The following PPP2R5E variants were observed in gnomAD, a reference collection of about 807,000 sequenced individuals.
PPP2R5E encodes the protein protein phosphatase 2 regulatory subunit B'epsilon.
PPP2R5E carries 4 observed loss-of-function variants against 65.3 expected under a neutral mutation model. The ratio of observed to expected loss-of-function variants is 0.06; its 90% CI spans 0.03 to 0.14. PPP2R5E has a LOEUF of 0.14. Among genes scored for constraint, PPP2R5E ranks in the 10% least tolerant of loss-of-function variants. The pLI, the probability that PPP2R5E is intolerant of heterozygous loss-of-function variation, is 1.00. For synonymous variants in PPP2R5E, 183 were observed against 187.4 expected (o/e 0.98, Z 0.19); for missense variants, 274 against 556.1 (o/e 0.49, Z 5.10).
At position 63,425,681 on chromosome 14, in the gene PPP2R5E, A is replaced by G. The variant is rs1420632193; in HGVS notation, c.355-3587T>C. ...ATAACTAATTAGGAATATACAACAC[A>G]TTTGTCTTCCCAGCATATACTAAGC... is the stretch of plus-strand genomic sequence containing the variant. On this transcript the variant is annotated intron_variant, in intron 3 of 13. Coordinates refer to ENST00000337537, the MANE Select transcript of PPP2R5E (RefSeq NM_006246.5). 5.3e-5 allele frequency among the ~76,000 whole-genome samples: 8 copies of G among 152,246 alleles called. No homozygotes were observed. In the East Asian group the frequency reaches 1.5e-3, roughly 29 times the overall value.
In PPP2R5E at chr14:63,377,265, G is replaced by A. The variant is rs72714220; in HGVS notation, c.1305-1157C>T. On this transcript the variant is annotated intron_variant, in intron 13 of 13. Coordinates refer to ENST00000337537, the MANE Select transcript of PPP2R5E (RefSeq NM_006246.5). ...TCTCAGGCATGGGGATGTAATCCATGCACTACCCCACTTAGCAAGGATTAA... is the reference window on the plus strand; with the variant it reads ...TCTCAGGCATGGGGATGTAATCCATACACTACCCCACTTAGCAAGGATTAA... Among the ~76,000 whole-genome samples, 797 of 152,270 alleles carry A rather than the reference G, an allele frequency of 5.2e-3. 10 individuals carry two copies. Among genetic ancestry groups the A allele is most frequent in the East Asian group, 0.046 (241 of 5,190 alleles).
At chr14:63,426,992 T>G (rs1015717639) in intron 3 of PPP2R5E, among the ~76,000 whole-genome samples, 5 of 152,218 alleles carry the variant, frequency 3.3e-5, no homozygotes, top group African/African-American at 1.2e-4. Context: ...TTCCAAGATC[T>G]AAAAATGGTT....
chr14:63,403,667 A>G (rs2139825510), intron 5 of PPP2R5E, among the ~76,000 whole-genome samples: 2 of 151,952 alleles, frequency 1.3e-5, no homozygotes, highest in South Asian at 4.2e-4. Context: ...CTGATAGACT[A>G]GTTGATATGT....
At chr14:63,467,569 T>C (rs1889900450) in intron 2 of PPP2R5E, among the ~76,000 whole-genome samples, 3 of 152,218 alleles carry the variant, frequency 2.0e-5, no homozygotes, top group Admixed American at 6.5e-5. Flanking sequence ...AAATAAGAGT[T>C]GACCTTAATA....
chr14:63,388,428 T>C (rs1239204205), intron 11 of PPP2R5E, among the ~76,000 whole-genome samples: 1 of 152,112 alleles, frequency 6.6e-6, no homozygotes, highest in African/African-American at 2.4e-5. Context: ...CATGAGCCAC[T>C]GCGCCCAGCC....
chr14:63,382,166 C>T lies in PPP2R5E; in HGVS notation c.1203-9G>A, dbSNP rs1233395742. On this transcript the variant is annotated splice_polypyrimidine_tract_variant and intron_variant, in intron 12 of 13. Coordinates refer to ENST00000337537, the MANE Select transcript of PPP2R5E (RefSeq NM_006246.5). Reference sequence around the variant, plus strand: ...CCAACGCCACAATAGCCCTGGAAAGCACAGAAAAAAAGGAGTGTGTTAGTT... The same window carrying T: ...CCAACGCCACAATAGCCCTGGAAAGTACAGAAAAAAAGGAGTGTGTTAGTT... 3.1e-6 allele frequency: 5 copies of T among 1,602,782 alleles called. No homozygotes were observed. The highest frequency in any genetic ancestry group is 3.3e-4 in the Middle Eastern group (2 of 6,004).
chr14:63,530,608 C>A (rs1893380828), intron 2 of PPP2R5E, among the ~76,000 whole-genome samples: 1 of 146,784 alleles, frequency 6.8e-6, no homozygotes, highest in South Asian at 2.2e-4. Context: ...ATGAATATAT[C>A]AGGTACACTG....
chr14:63,415,619 T>C (rs1056075622), intron 4 of PPP2R5E, among the ~76,000 whole-genome samples: 4 of 152,188 alleles, frequency 2.6e-5, no homozygotes, highest in Non-Finnish European at 5.9e-5. Flanking sequence ...ACATACCATA[T>C]AAATATATTT....
At chr14:63,535,127 G>A (rs921206528) in intron 2 of PPP2R5E, among the ~76,000 whole-genome samples, 3 of 152,128 alleles carry the variant, frequency 2.0e-5, no homozygotes, top group African/African-American at 7.2e-5. Context: ...CCACCTATTA[G>A]ACATAGGGCA....
intron 2 of PPP2R5E, among the ~76,000 whole-genome samples, chr14:63,470,721 A>AT (rs1407503674): frequency 9.3e-4 from 121 of 130,054 alleles, no homozygotes; most frequent in African/African-American, 4.3e-3. Flanking sequence ...TTATCAACAG[A>AT]TTAAAAAAAA....
At chr14:63,520,872 A>C (rs1009133864) in intron 2 of PPP2R5E, among the ~76,000 whole-genome samples, 3 of 102,216 alleles carry the variant, frequency 2.9e-5, no homozygotes, top group African/African-American at 1.1e-4. Context: ...AAAAAAAAAA[A>C]AAAAAAAAAA....
chr14:63,458,752 T>C (rs17101205), intron 2 of PPP2R5E, among the ~76,000 whole-genome samples: 45,539 of 152,004 alleles, frequency 0.3, 8,508 homozygotes, highest in African/African-American at 0.53. Flanking sequence ...AACTATAACA[T>C]TGCTTGAGCT....
At chr14:63,507,477 G>A (rs1283318375) in intron 2 of PPP2R5E, among the ~76,000 whole-genome samples, 2 of 139,704 alleles carry the variant, frequency 1.4e-5, no homozygotes, top group South Asian at 2.2e-4. Flanking sequence ...CGTTTAGAAC[G>A]AAAAGAAACA....
intron 10 of PPP2R5E, among the ~76,000 whole-genome samples, chr14:63,390,088 A>G (rs1884923797): frequency 6.6e-6 from 1 of 151,994 alleles, no homozygotes; most frequent in African/African-American, 2.4e-5. Context: ...TTTTTTTTAA[A>G]AAAAACAATG....
intron 2 of PPP2R5E, among the ~76,000 whole-genome samples, chr14:63,463,881 C>G (rs746839262): frequency 3.8e-4 from 58 of 152,150 alleles, no homozygotes; most frequent in Non-Finnish European, 7.8e-4. Flanking sequence ...CAGGCGTGAG[C>G]CATCGCGCCC....
chr14:63,512,029 A>C (rs1303446328), intron 2 of PPP2R5E, among the ~76,000 whole-genome samples: 1 of 138,370 alleles, frequency 7.2e-6, no homozygotes, highest in Non-Finnish European at 1.5e-5. Context: ...CAGTGAGCTG[A>C]GATTGTGCCA....
intron 2 of PPP2R5E, chr14:63,508,203 C>T: frequency 2.0e-6 from 2 of 985,644 alleles, no homozygotes; most frequent in Non-Finnish European, 2.4e-6. Context: ...GCACACCTCA[C>T]ACACCTCTTT....
chr14:63,489,462 T>C (rs1594933815), intron 2 of PPP2R5E, among the ~76,000 whole-genome samples: 1 of 150,528 alleles, frequency 6.6e-6, no homozygotes, highest in South Asian at 2.1e-4. Context: ...CAGGCTGGAG[T>C]GCAGTGGCCC....
At chr14:63,400,135 A>G (rs1273076885) in intron 5 of PPP2R5E, among the ~76,000 whole-genome samples, 1 of 152,214 alleles carries the variant, frequency 6.6e-6, no homozygotes, top group Non-Finnish European at 1.5e-5. Flanking sequence ...TCATTTTAAA[A>G]ATGAGTATTT....
Sources: gnomAD v4.1 joint callset for allele counts (sites outside exome capture counted in the v4.1 genomes callset) on GRCh38, gnomAD v4.1.1 for gene constraint, MANE v1.5 for transcripts, NCBI Gene and HGNC (gene_info 2026-07-23, HGNC 2026-07-21) for gene names.